Variants in PTPRG observed in about 807,000 individuals in gnomAD.
PTPRG encodes the protein receptor-type tyrosine-protein phosphatase gamma.
In PTPRG, 102 loss-of-function variants were observed where a neutral mutation model predicts 165.3. The ratio of observed to expected loss-of-function variants is 0.62; its 90% CI spans 0.53 to 0.73. The LOEUF (loss-of-function observed/expected upper bound fraction) is 0.73. Among genes scored for constraint, PTPRG ranks in the 30% least tolerant of loss-of-function variants. The probability of loss-of-function intolerance (pLI) is 0.00; values close to 1 mark genes in which losing one functional copy is unlikely to be tolerated. For missense variants in PTPRG, 1,866 were observed against 1,861.4 expected (o/e 1.00, Z -0.05); for synonymous variants, 675 against 669.5 (o/e 1.01, Z -0.13).
chr3:62,197,358 G>A (rs531307347), intron 10 of PTPRG, among the ~76,000 whole-genome samples: 3 of 152,220 alleles, frequency 2.0e-5, no homozygotes, highest in South Asian at 4.1e-4. Context: ...TAGATTTCCT[G>A]CAAGGATCCC....
At chr3:62,192,415 T>G (rs960431299) in intron 9 of PTPRG, among the ~76,000 whole-genome samples, 1 of 130,674 alleles carries the variant, frequency 7.7e-6, no homozygotes, top group African/African-American at 2.8e-5. Flanking sequence ...TTTTTTTTTT[T>G]TTTTTTTTTT....
rs58097355 is a variant in PTPRG, at chr3:61,813,543, CTGTGTGTGTG to C, written c.190+64601_190+64610del. 5.9e-3 allele frequency among the ~76,000 whole-genome samples: 695 copies of C among 116,908 alleles called. 3 individuals carry two copies. Among genetic ancestry groups the C allele is most frequent in the Middle Eastern group, 0.05 (11 of 220 alleles). The allele number at this position is 116,908 out of a possible 152,430, so 76.7% of individuals were successfully genotyped here. A position where few individuals can be genotyped will look rare whatever the true frequency, so the allele number is the denominator to read the frequency against. On this transcript the variant is annotated intron_variant, in intron 2 of 29. Coordinates refer to ENST00000474889, the MANE Select transcript of PTPRG (RefSeq NM_002841.4). ...AAAAAAAAAAAAGAAAAAAGAAAAT[CTGTGTGTGTG>C]TGTGTGTGTGTGTGTGTGTGTGTGT... is the stretch of plus-strand genomic sequence containing the variant.
intron 1 of PTPRG, among the ~76,000 whole-genome samples, chr3:61,606,175 C>T (rs1203401597): frequency 6.6e-6 from 1 of 152,222 alleles, no homozygotes; most frequent in African/African-American, 2.4e-5. Context: ...GGGCTGTGAT[C>T]TCATCGGAGG....
rs113048997 is a variant in PTPRG, at chr3:61,661,055, TCC to T, written c.86-87817_86-87816del. Among the ~76,000 whole-genome samples, 459 of 151,420 alleles carry T rather than the reference TCC, an allele frequency of 3.0e-3. 1 individual carries two copies. Among genetic ancestry groups the T allele is most frequent in the South Asian group, 7.3e-3 (35 of 4,784 alleles). On this transcript the variant is annotated intron_variant, in intron 1 of 29. Transcript: ENST00000474889. The stretch of plus-strand genomic sequence containing the variant: ...ACATTAAACAGGTTTGGACACTTTT[TCC>T]CCCCCTAATTAAAAATTTTTTTTTT...
At chr3:61,592,649 CTTT>C (rs373986933) in intron 1 of PTPRG, among the ~76,000 whole-genome samples, 4 of 132,868 alleles carry the variant, frequency 3.0e-5, no homozygotes, top group African/African-American at 3.2e-5. Context: ...TTCTTTCTTT[CTTT>C]TTTTTTTTTT....
rs550192621 is a variant in PTPRG, at chr3:61,670,644, G to A, written c.86-78234G>A. On this transcript the variant is annotated intron_variant, in intron 1 of 29. Transcript: ENST00000474889. ...GACACGAAATAGAAACCTTCTAGAA[G>A]GGGACCAGCTATGGGAGGCAGAGTT... Among the ~76,000 whole-genome samples, 151 of 152,256 alleles carry A rather than the reference G, an allele frequency of 9.9e-4. 3 individuals are homozygous for A. The South Asian group carries it at 0.03, about 30-fold the overall frequency.
chr3:61,916,255 AT>A (rs2038933060), intron 2 of PTPRG, among the ~76,000 whole-genome samples: 1 of 152,126 alleles, frequency 6.6e-6, no homozygotes, highest in South Asian at 2.1e-4. Flanking sequence ...TTCTAGACTT[AT>A]TTTTGGGTGT....
Position 62,191,578 on chromosome 3 carries a change from C to T in PTPRG, c.1143C>T (p.Tyr381=), listed in dbSNP as rs1250284578. 5 of 1,614,170 alleles carry T rather than the reference C, an allele frequency of 3.1e-6. No individual in the cohort carries two copies. The highest frequency in any genetic ancestry group is 2.2e-5 in the East Asian group (1 of 44,872). Residue 381 remains tyrosine, a synonymous_variant, in exon 9 of 30, where the codon TAC becomes TAT. Coordinates refer to ENST00000474889, the MANE Select transcript of PTPRG (RefSeq NM_002841.4). ...TCTACCACCCACCCATCATGAACTA[C>T]ATGATCTCCTACAGCTGGACCAAGA... ...ETIYHPPIMN[Y]MISYSWTKNE... is the part of the protein sequence containing the mutation.
chr3:62,099,542 G>A (rs568340820), intron 5 of PTPRG, among the ~76,000 whole-genome samples: 1 of 151,802 alleles, frequency 6.6e-6, no homozygotes, highest in South Asian at 2.1e-4. Context: ...TAAAAATTAC[G>A]CTTTATGTTC....
chr3:62,108,329 A>T lies in PTPRG; in HGVS notation c.616-24273A>T, dbSNP rs558280863. Among the ~76,000 whole-genome samples the T allele has an allele frequency of 1.4e-3, 214 of 152,284 alleles. 1 individual carries two copies. Among genetic ancestry groups the T allele is most frequent in the Non-Finnish European group, 1.7e-3 (117 of 68,016 alleles). On this transcript the variant is annotated intron_variant, in intron 5 of 29. Transcript: ENST00000474889. Reference sequence around the variant, plus strand: ...CTGTCCTTGTGATAGTTTGCTGAGAATGATGGTTTCCAGCTTCATCCATGT... The same window carrying T: ...CTGTCCTTGTGATAGTTTGCTGAGATTGATGGTTTCCAGCTTCATCCATGT...
In PTPRG at chr3:62,142,390, C is replaced by T. The variant is rs58743604; in HGVS notation, c.682+9722C>T. Among the ~76,000 whole-genome samples the T allele has an allele frequency of 2.3e-3, 353 of 152,164 alleles. 1 individual carries two copies. The highest frequency in any genetic ancestry group is 8.1e-3 in the African/African-American group (338 of 41,528). ...CTGGCCGGGTAGGGGAAGGCAAGGT[C>T]TTCTCGTGTTCTGAGTGTTGGTCAC... On this transcript the variant is annotated intron_variant, in intron 6 of 29. Transcript: ENST00000474889.
At chr3:62,155,597 C>G (rs1704505064) in intron 6 of PTPRG, among the ~76,000 whole-genome samples, 1 of 152,214 alleles carries the variant, frequency 6.6e-6, no homozygotes, top group African/African-American at 2.4e-5. Context: ...CCTGTAAATA[C>G]TCAGAATAGT....
chr3:61,917,660 T>C (rs1016643036), intron 2 of PTPRG, among the ~76,000 whole-genome samples: 2 of 152,208 alleles, frequency 1.3e-5, no homozygotes, highest in African/African-American at 4.8e-5. Context: ...CGGGGCGTGG[T>C]GGCTCACGCC....
chr3:61,986,698 T>C (rs2040771317), intron 2 of PTPRG, among the ~76,000 whole-genome samples: 1 of 152,194 alleles, frequency 6.6e-6, no homozygotes, highest in Admixed American at 6.5e-5. Context: ...GTGTACTAGA[T>C]TGACGTGTTG....
chr3:62,081,127 G>A (rs1701558310), intron 5 of PTPRG, among the ~76,000 whole-genome samples: 1 of 151,588 alleles, frequency 6.6e-6, no homozygotes, highest in South Asian at 2.1e-4. Context: ...CGTGGTGGCG[G>A]GCACCTGTAG....
intron 1 of PTPRG, among the ~76,000 whole-genome samples, chr3:61,591,526 A>AT (rs1301568295): frequency 1.3e-5 from 2 of 152,168 alleles, no homozygotes; most frequent in Non-Finnish European, 2.9e-5. Context: ...AATTGCCTTA[A>AT]TGCTGAATTG....
chr3:61,902,074 G>A (rs930339954), intron 2 of PTPRG, among the ~76,000 whole-genome samples: 2 of 152,144 alleles, frequency 1.3e-5, no homozygotes, highest in African/African-American at 2.4e-5. Flanking sequence ...TAAAACGTTA[G>A]GTATACACTG....
chr3:62,089,696 A>G (rs1701867902), intron 5 of PTPRG, among the ~76,000 whole-genome samples: 1 of 152,216 alleles, frequency 6.6e-6, no homozygotes, highest in South Asian at 2.1e-4. Flanking sequence ...CACCTCAACA[A>G]GCTGGTACAG....
At chr3:61,616,413 G>A (rs770985628) in intron 1 of PTPRG, among the ~76,000 whole-genome samples, 1 of 152,160 alleles carries the variant, frequency 6.6e-6, no homozygotes, top group Non-Finnish European at 1.5e-5. Flanking sequence ...AACAACACAT[G>A]CTTTATTTTA....
Sources: allele counts gnomAD v4.1 joint callset (sites outside exome capture counted in the v4.1 genomes callset), GRCh38; gene constraint gnomAD v4.1.1; transcripts MANE v1.5; gene names NCBI Gene and HGNC (gene_info 2026-07-23, HGNC 2026-07-21).